Variants in SLC11A2 observed in about 807,000 individuals in gnomAD.
SLC11A2 encodes the protein natural resistance-associated macrophage protein 2.
Under a neutral mutation model 68.0 loss-of-function variants are expected in SLC11A2, and 38 were observed. The observed-to-expected ratio is 0.56, with a 90% CI of 0.43 to 0.73. SLC11A2 has a LOEUF of 0.73. SLC11A2 is among the 30% of genes least tolerant of loss of function. SLC11A2 has a pLI of 0.00. For missense variants in SLC11A2, 517 were observed against 690.5 expected (o/e 0.75, Z 2.82); for synonymous variants, 242 against 250.6 (o/e 0.97, Z 0.32).
At chr12:51,003,779 AAAAAAT>A (rs1942483452) in intron 5 of SLC11A2, among the ~76,000 whole-genome samples, 1 of 150,700 alleles carries the variant, frequency 6.6e-6, no homozygotes, top group African/African-American at 2.4e-5. Context: ...AAAAAAAAAA[AAAAAAT>A]TTTAATTAGC....
chr12:50,986,768 A>C lies in SLC11A2; in HGVS notation c.*1557T>G. On this transcript the variant is annotated 3_prime_UTR_variant, in exon 16 of 16. Transcript: ENST00000262052. Reference sequence around the variant, plus strand: ...TCTGTGCTATATTACTTGAGGGGCTAAGAAAAATGTATGGTCAGTGAAACA... The same window carrying C: ...TCTGTGCTATATTACTTGAGGGGCTCAGAAAAATGTATGGTCAGTGAAACA... 1 of 1,287,198 alleles carries C rather than the reference A, an allele frequency of 7.8e-7. No individual in the cohort carries two copies. The highest frequency in any genetic ancestry group is 1.0e-6 in the Non-Finnish European group (1 of 988,680). 79.7% of individuals were successfully genotyped at this position (1,287,198 alleles called of 1,614,324 possible).
the SLC11A2 span, among the ~76,000 whole-genome samples, chr12:50,962,223 T>TA: frequency 7.3e-6 from 1 of 137,190 alleles, no homozygotes; most frequent in African/African-American, 2.7e-5. Context: ...CCATCTCTAC[T>TA]AAAAAAATTA....
At chr12:50,972,478 G>A in the SLC11A2 span, among the ~76,000 whole-genome samples, 1 of 152,192 alleles carries the variant, frequency 6.6e-6, no homozygotes, top group Non-Finnish European at 1.5e-5. Flanking sequence ...CGAATCACTC[G>A]GTCTTACTTG....
downstream of SLC11A2, among the ~76,000 whole-genome samples, chr12:50,976,658 A>G (rs754583095): frequency 2.6e-5 from 4 of 152,224 alleles, no homozygotes; most frequent in Non-Finnish European, 5.9e-5. Context: ...GCAATTAGGC[A>G]GGAGAAAGAA....
At chr12:51,010,280 G>A (rs777779098) in intron 2 of SLC11A2, among the ~76,000 whole-genome samples, 5 of 152,102 alleles carry the variant, frequency 3.3e-5, no homozygotes, top group Non-Finnish European at 7.4e-5. Context: ...CACTTTGGGA[G>A]GCTGAGACGG....
At chr12:51,002,497 G>T (rs536792909) in intron 5 of SLC11A2, among the ~76,000 whole-genome samples, 1 of 151,776 alleles carries the variant, frequency 6.6e-6, no homozygotes, top group South Asian at 2.1e-4. Context: ...AAATTAGCTG[G>T]GTGTGGTGGT....
chr12:51,027,425 C>G (rs1944436790), upstream of SLC11A2, among the ~76,000 whole-genome samples: 1 of 152,056 alleles, frequency 6.6e-6, no homozygotes, highest in Non-Finnish European at 1.5e-5. Context: ...CAAGAGCACC[C>G]CACACCTGGG....
At chr12:50,965,212 C>T in the SLC11A2 span, among the ~76,000 whole-genome samples, 325 of 152,102 alleles carry the variant, frequency 2.1e-3, 1 homozygote, top group African/African-American at 7.2e-3. Context: ...CTCCTGGGTT[C>T]AAGCAATCCA....
At chr12:50,970,614 G>T in the SLC11A2 span, 1 of 668,874 alleles carries the variant, frequency 1.5e-6, no homozygotes. Flanking sequence ...GTCACAGAAT[G>T]CTCATAGCCT....
upstream of SLC11A2, chr12:51,026,529 C>A: frequency 5.3e-6 from 2 of 378,386 alleles, no homozygotes; most frequent in Non-Finnish European, 9.0e-6. Flanking sequence ...ATGCGGCGGC[C>A]CCTGGGGCAC....
chr12:50,994,703 C>A lies in SLC11A2; in HGVS notation c.991-73G>T. The A allele has an allele frequency of 4.8e-6, 4 of 837,154 alleles. 1 individual carries two copies. In the South Asian group the frequency reaches 5.3e-5, roughly 11 times the overall value. 51.9% of individuals were successfully genotyped at this position (837,154 alleles called of 1,614,324 possible). A position where few individuals can be genotyped will look rare whatever the true frequency, so the allele number is the denominator to read the frequency against. On this transcript the variant is annotated intron_variant, in intron 10 of 15. Coordinates refer to ENST00000262052, the MANE Select transcript of SLC11A2 (RefSeq NM_000617.3). Reference sequence around the variant, plus strand: ...ACCAAATAAGAGCTCTCCTACATATCATACACAATCATCTATAAGAGGTAG... The same window carrying A: ...ACCAAATAAGAGCTCTCCTACATATAATACACAATCATCTATAAGAGGTAG...
At chr12:51,002,377 A>C (rs1042946133) in intron 5 of SLC11A2, among the ~76,000 whole-genome samples, 2 of 152,048 alleles carry the variant, frequency 1.3e-5, no homozygotes, top group Non-Finnish European at 2.9e-5. Flanking sequence ...AGTATCTCAC[A>C]TCTGTAATCC....
rs756168893 is a variant in SLC11A2, at chr12:51,008,448, T to C, written c.183+28A>G. ...CTCACAGGTTTTCCCCAGACAATAG[T>C]GTTCTCCTCCAAGGACCTGATACTA... On this transcript the variant is annotated intron_variant, in intron 3 of 15. Coordinates refer to ENST00000262052, the MANE Select transcript of SLC11A2 (RefSeq NM_000617.3). The C allele has an allele frequency of 1.3e-5, 20 of 1,600,006 alleles. No homozygotes were observed. The South Asian group carries it at 1.4e-4, about 11-fold the overall frequency.
At chr12:51,011,552 G>GTTT (rs772957287) in intron 1 of SLC11A2, among the ~76,000 whole-genome samples, 19 of 125,230 alleles carry the variant, frequency 1.5e-4, no homozygotes, top group African/African-American at 3.2e-4. Context: ...TTTATGAGTT[G>GTTT]TTTTTTTTTG....
chr12:50,987,668 C>A lies in SLC11A2; in HGVS notation c.*657G>T, dbSNP rs535029460. Reference sequence around the variant, plus strand: ...AAGGTAATTAGTAAGCACCACCTAGCGATGTGGTGCTGGTTTTGTTAGTTG... The same window carrying A: ...AAGGTAATTAGTAAGCACCACCTAGAGATGTGGTGCTGGTTTTGTTAGTTG... On this transcript the variant is annotated 3_prime_UTR_variant, in exon 16 of 16. Coordinates refer to ENST00000262052, the MANE Select transcript of SLC11A2 (RefSeq NM_000617.3). 15 of 1,287,042 alleles carry A rather than the reference C, an allele frequency of 1.2e-5. No individual in the cohort carries two copies. The highest frequency in any genetic ancestry group is 1.5e-5 in the Non-Finnish European group (15 of 988,674). The allele number at this position is 1,287,042 out of a possible 1,614,324, so 79.7% of individuals were successfully genotyped here. A position where few individuals can be genotyped will look rare whatever the true frequency, so the allele number is the denominator to read the frequency against.
At chr12:50,978,150 T>C (rs1304852855), downstream of SLC11A2, among the ~76,000 whole-genome samples, 1 of 151,668 alleles carries the variant, frequency 6.6e-6, no homozygotes, top group Non-Finnish European at 1.5e-5. Flanking sequence ...GGGTATATAC[T>C]CAAAGGATTA....
At chr12:51,009,363 A>T in intron 2 of SLC11A2, 1 of 1,131,178 alleles carries the variant, frequency 8.8e-7, no homozygotes, top group Non-Finnish European at 1.1e-6. Flanking sequence ...TTTGCAGTCA[A>T]TCTTAAATAT....
chr12:50,988,459 A>C (rs747701506), intron 15 of SLC11A2, 24 bp from the exon 16 acceptor site: 28 of 1,613,408 alleles, frequency 1.7e-5, no homozygotes, highest in Non-Finnish European at 2.2e-5. Flanking sequence ...TATGGTCATC[A>C]CTCACCAGGC....
chr12:50,971,257 G>A, the SLC11A2 span, among the ~76,000 whole-genome samples: 4 of 149,356 alleles, frequency 2.7e-5, no homozygotes, highest in Non-Finnish European at 4.4e-5. Context: ...AAGTAATTAC[G>A]GTTTCATAAA....
Sources: gnomAD v4.1 joint callset for allele counts (sites outside exome capture counted in the v4.1 genomes callset) on GRCh38, gnomAD v4.1.1 for gene constraint, MANE v1.5 for transcripts, NCBI Gene and HGNC (gene_info 2026-07-23, HGNC 2026-07-21) for gene names.